Variants in SLC12A7 observed in about 807,000 individuals in gnomAD.
The protein encoded by SLC12A7 is K-Cl cotransporter 4.
A neutral mutation model predicts 120.6 loss-of-function variants in SLC12A7; 100 were observed. The ratio of observed to expected loss-of-function variants is 0.83; its 90% confidence interval spans 0.71 to 0.98. The LOEUF is 0.98. Ranked by LOEUF, SLC12A7 falls within the 50% of genes least tolerant of loss-of-function variation. The pLI is 0.00. For missense variants in SLC12A7, 1,373 were observed against 1,548.1 expected (o/e 0.89, Z 1.90); for synonymous variants, 760 against 678.0 (o/e 1.12, Z -1.88).
At chr5:1,127,987 G>A in the SLC12A7 span, among the ~76,000 whole-genome samples, 5 of 152,214 alleles carry the variant, frequency 3.3e-5, no homozygotes, top group South Asian at 6.2e-4. Flanking sequence ...GGGCTGCGAC[G>A]TCCTGGTTTT....
intron 8 of SLC12A7, among the ~76,000 whole-genome samples, chr5:1,082,313 T>A (rs1353926663): frequency 7.0e-6 from 1 of 143,166 alleles, no homozygotes; most frequent in Non-Finnish European, 1.5e-5. Flanking sequence ...GGGCTTCCTC[T>A]CTAGGGTTCT....
In SLC12A7 at chr5:1,076,225, A is replaced by G. The variant is rs781570946; in HGVS notation, c.1760T>C (p.Met587Thr). 3.1e-6 allele frequency: 5 copies of G among 1,610,548 alleles called. No individual in the cohort carries two copies. The highest frequency in any genetic ancestry group is 3.3e-5 in the Admixed American group (2 of 59,770). The change falls in exon 14 of 24, where the codon ATG (methionine) becomes ACG (threonine). Residue 587 changes from methionine (M) to threonine (T), a missense_variant. Met to Thr is a moderately conservative substitution (Grantham distance 81). Coordinates refer to ENST00000264930, the MANE Select transcript of SLC12A7 (RefSeq NM_006598.3). Reference protein sequence around the residue: ...VAPILSMFFLMCYLFVNLACA... With the variant: ...VAPILSMFFLTCYLFVNLACA... ...GGCCAGGTTCACGAACAGGTAGCAC[A>G]TGAGGAAGAACCTGCAGGGACGGCC...
chr5:1,053,428 G>A lies in SLC12A7; in HGVS notation c.3081C>T (p.Val1027=). The A allele has an allele frequency of 6.2e-7, 1 of 1,613,998 alleles. No individual in the cohort carries two copies. The highest frequency in any genetic ancestry group is 1.3e-5 in the African/African-American group (1 of 75,078). The change falls in exon 23 of 24, where the codon GTC becomes GTT. Residue 1027 remains valine, a synonymous_variant. Transcript: ENST00000264930. ...GCTGCGCATCCTGGGACTTGTTGAGGACGACGCCATTGAGCTTCACAGCCG... is the reference window on the plus strand; with the variant it reads ...GCTGCGCATCCTGGGACTTGTTGAGAACGACGCCATTGAGCTTCACAGCCG... ...MHTAVKLNGV[V]LNKSQDAQLV...
At chr5:1,078,905 T>G in intron 10 of SLC12A7, 147 bp from the exon 11 acceptor site, 1 of 684,842 alleles carries the variant, frequency 1.5e-6, no homozygotes, top group Non-Finnish European at 2.6e-6. Context: ...CTGCATCCCA[T>G]CCCATCCCGG....
intron 1 of SLC12A7, among the ~76,000 whole-genome samples, chr5:1,103,111 C>T (rs940118041): frequency 2.0e-5 from 3 of 152,182 alleles, no homozygotes; most frequent in Admixed American, 2.0e-4. Flanking sequence ...CTGAGGCTCT[C>T]AAGGGGCACA....
At chr5:1,102,263 C>T (rs982501711) in intron 1 of SLC12A7, among the ~76,000 whole-genome samples, 45 of 152,208 alleles carry the variant, frequency 3.0e-4, no homozygotes, top group African/African-American at 1.0e-3. Flanking sequence ...TGACCCATCC[C>T]GATCCAGGCC....
intron 15 of SLC12A7, among the ~76,000 whole-genome samples, 194 bp from the exon 16 acceptor site, chr5:1,074,865 G>A (rs1434566386): frequency 6.6e-6 from 1 of 152,182 alleles, no homozygotes; most frequent in Non-Finnish European, 1.5e-5. Flanking sequence ...CGGGTCAGAG[G>A]GTGCTGTGGC....
the SLC12A7 span, among the ~76,000 whole-genome samples, chr5:1,118,911 G>A: frequency 5.3e-5 from 8 of 152,184 alleles, no homozygotes; most frequent in Admixed American, 5.2e-4. Flanking sequence ...CAGAGCTGGC[G>A]CTGACATCAG....
At position 1,085,264 on chromosome 5, in the gene SLC12A7, G is replaced by A; in HGVS notation, c.885C>T (p.Val295=). The A allele has an allele frequency of 6.2e-7, 1 of 1,612,424 alleles. No homozygotes were observed. The highest frequency in any genetic ancestry group is 8.5e-7 in the Non-Finnish European group (1 of 1,179,732). ...CCGGGGGGTCGAAGGCAGACTTGAT[G>A]ACGCCGGCATAGATGGCCAGGATGG... ...VLSILAIYAG[V]IKSAFDPPDI... Residue 295 remains valine, a synonymous_variant, in exon 7 of 24, where the codon GTC becomes GTT. Coordinates refer to ENST00000264930, the MANE Select transcript of SLC12A7 (RefSeq NM_006598.3).
intron 15 of SLC12A7, 131 bp from the exon 16 acceptor site, chr5:1,074,802 G>A (rs1738138445): frequency 1.2e-6 from 1 of 845,716 alleles, no homozygotes; most frequent in Admixed American, 2.2e-5. Flanking sequence ...TGGATGAGGA[G>A]GGAGGCCTCC....
At chr5:1,114,853 C>T (rs1284596445), upstream of SLC12A7, among the ~76,000 whole-genome samples, 1 of 152,176 alleles carries the variant, frequency 6.6e-6, no homozygotes, top group Admixed American at 6.5e-5. Flanking sequence ...ATTCATGGAG[C>T]AAAATGGTGA....
chr5:1,119,976 C>G, the SLC12A7 span, among the ~76,000 whole-genome samples: 2 of 152,266 alleles, frequency 1.3e-5, no homozygotes, highest in African/African-American at 4.8e-5. Context: ...TGGGACCCCC[C>G]CATAGGTCAA....
At chr5:1,069,610 G>A (rs1217160204) in intron 17 of SLC12A7, among the ~76,000 whole-genome samples, 4 of 152,226 alleles carry the variant, frequency 2.6e-5, no homozygotes, top group Non-Finnish European at 5.9e-5. Context: ...GGCTCGAGGC[G>A]CCCACGGCAG....
chr5:1,110,553 G>A (rs1742919132), intron 1 of SLC12A7, among the ~76,000 whole-genome samples: 1 of 152,258 alleles, frequency 6.6e-6, no homozygotes, highest in South Asian at 2.1e-4. Context: ...GATCAGCCTT[G>A]AGAAGGGGCC....
Position 1,056,467 on chromosome 5 carries a change from G to A in SLC12A7, c.3026+1004C>T, listed in dbSNP as rs1735620638. The A allele has an allele frequency of 1.2e-5, 5 of 402,042 alleles. No individual in the cohort carries two copies. In the South Asian group the frequency reaches 4.0e-4, roughly 33 times the overall value. The allele number at this position is 402,042 out of a possible 1,614,324, so 24.9% of individuals were successfully genotyped here. ...TACGCGGACGCACACAAGCCACCGT[G>A]CACGGGGCAGGCACAGGCCTAGAAC... On this transcript the variant is annotated intron_variant, in intron 22 of 23. Coordinates refer to ENST00000264930, the MANE Select transcript of SLC12A7 (RefSeq NM_006598.3).
At chr5:1,116,341 G>T (rs568025702), upstream of SLC12A7, among the ~76,000 whole-genome samples, 2 of 152,226 alleles carry the variant, frequency 1.3e-5, no homozygotes, top group African/African-American at 4.8e-5. Flanking sequence ...CTGGCCTGGC[G>T]CTGGGGAGCC....
intron 1 of SLC12A7, among the ~76,000 whole-genome samples, chr5:1,103,619 G>A (rs982502675): frequency 2.0e-5 from 3 of 152,108 alleles, no homozygotes; most frequent in Non-Finnish European, 4.4e-5. Context: ...ACCCATACCC[G>A]CAGTCACATA....
At chr5:1,058,868 C>A (rs908008482) in intron 21 of SLC12A7, among the ~76,000 whole-genome samples, 2 of 136,660 alleles carry the variant, frequency 1.5e-5, no homozygotes, top group East Asian at 4.5e-4. Context: ...GTCCACCCAG[C>A]GTCTGCACAG....
chr5:1,134,569 C>T, the SLC12A7 span, among the ~76,000 whole-genome samples: 10 of 152,160 alleles, frequency 6.6e-5, no homozygotes, highest in East Asian at 9.7e-4. Context: ...TGTCTTCTAC[C>T]GGTGGGAGTG....
Sources: allele counts gnomAD v4.1 joint callset (sites outside exome capture counted in the v4.1 genomes callset), GRCh38; gene constraint gnomAD v4.1.1; transcripts MANE v1.5; gene names NCBI Gene and HGNC (gene_info 2026-07-23, HGNC 2026-07-21).